The following ADGB variants were observed in gnomAD, a reference collection of about 807,000 sequenced individuals.
ADGB encodes androglobin, also known as calpain-7-like protein.
Under a neutral mutation model 210.5 loss-of-function variants are expected in ADGB, and 172 were observed. The ratio of observed to expected loss-of-function variants is 0.82; its 90% CI spans 0.72 to 0.93. The LOEUF (loss-of-function observed/expected upper bound fraction) is 0.93, where lower values mean the gene tolerates loss of function less well. ADGB is among the 40% of genes least tolerant of loss of function. The pLI, the probability that ADGB is intolerant of heterozygous loss-of-function variation, is 0.00. For missense variants in ADGB, 2,025 were observed against 1,964.8 expected (o/e 1.03, Z -0.58); for synonymous variants, 658 against 662.7 (o/e 0.99, Z 0.11).
chr6:146,745,354 T>A (rs1261610273), intron 25 of ADGB, among the ~76,000 whole-genome samples: 1 of 152,200 alleles, frequency 6.6e-6, no homozygotes, highest in African/African-American at 2.4e-5. Flanking sequence ...CTCTTCCCCA[T>A]CATAAAGTAA....
At chr6:146,653,051 C>A (rs1254114822) in intron 3 of ADGB, among the ~76,000 whole-genome samples, 1 of 152,144 alleles carries the variant, frequency 6.6e-6, no homozygotes, top group African/African-American at 2.4e-5. Flanking sequence ...AGCTCTGCCT[C>A]CTGTCAGAGC....
chr6:146,755,402 T>C (rs188907927), intron 27 of ADGB, among the ~76,000 whole-genome samples: 9 of 152,232 alleles, frequency 5.9e-5, no homozygotes, highest in Non-Finnish European at 1.3e-4. Context: ...GACCATGGGA[T>C]GCTATTCCCC....
chr6:146,764,502 AT>A (rs1777545854), intron 28 of ADGB, among the ~76,000 whole-genome samples: 1 of 152,170 alleles, frequency 6.6e-6, no homozygotes, highest in African/African-American at 2.4e-5. Context: ...TAATGTACAT[AT>A]TTATAAAACA....
chr6:146,746,897 T>C (rs931991987), intron 26 of ADGB, among the ~76,000 whole-genome samples: 6 of 152,124 alleles, frequency 3.9e-5, no homozygotes, highest in Admixed American at 3.3e-4. Context: ...GCATTTCCTC[T>C]TGTCCCATGT....
At chr6:146,637,760 T>G (rs147104135) in intron 2 of ADGB, among the ~76,000 whole-genome samples, 1 of 152,118 alleles carries the variant, frequency 6.6e-6, no homozygotes, top group East Asian at 1.9e-4. Context: ...TTATACTCAG[T>G]GTATATCATT....
chr6:146,623,984 C>T (rs1583563583), intron 1 of ADGB, among the ~76,000 whole-genome samples: 1 of 151,790 alleles, frequency 6.6e-6, no homozygotes, highest in East Asian at 1.9e-4. Context: ...TTTGATCTGT[C>T]TAGATATTTT....
intron 11 of ADGB, among the ~76,000 whole-genome samples, 155 bp downstream of exon 11, chr6:146,691,445 A>ATATAAAT (rs1419237911): frequency 6.1e-5 from 1 of 16,440 alleles, no homozygotes; most frequent in African/African-American, 2.9e-4. Context: ...TATATATAAA[A>ATATAAAT]ATATATATAT....
chr6:146,638,048 T>C (rs894906933), intron 2 of ADGB, among the ~76,000 whole-genome samples: 2 of 151,992 alleles, frequency 1.3e-5, no homozygotes, highest in Non-Finnish European at 2.9e-5. Context: ...CATGATCAAG[T>C]AGGCTTCACT....
intron 35 of ADGB, chr6:146,807,805 T>C (rs1226117797): frequency 1.4e-5 from 5 of 353,102 alleles, no homozygotes; most frequent in Non-Finnish European, 2.5e-5. Flanking sequence ...CTTCCAAATA[T>C]TTAAAATGTA....
intron 35 of ADGB, among the ~76,000 whole-genome samples, chr6:146,804,770 A>C (rs1042181798): frequency 1.1e-4 from 17 of 152,178 alleles, no homozygotes; most frequent in Admixed American, 3.3e-4. Flanking sequence ...AATTGTACCA[A>C]TCACGACAAA....
At chr6:146,653,992 A>G in intron 3 of ADGB, 143 bp from the exon 4 acceptor site, 1 of 411,226 alleles carries the variant, frequency 2.4e-6, no homozygotes, top group South Asian at 3.8e-5. Context: ...TTTATATCCT[A>G]CTGCTCAAGG....
In ADGB at chr6:146,631,389, A is replaced by G. The variant is rs745479588; in HGVS notation, c.75-3986A>G. ...GGACTCAGACAGACATTGAGCAGGA[A>G]GAGAGAGAGAAGTATCTCACAGAAT... On this transcript the variant is annotated intron_variant, in intron 1 of 35. Transcript: ENST00000397944. Among the ~76,000 whole-genome samples the G allele has an allele frequency of 2.6e-5, 4 of 152,132 alleles. 1 individual carries two copies. The highest frequency in any genetic ancestry group is 5.9e-5 in the Non-Finnish European group (4 of 68,000).
At chr6:146,754,919 G>C (rs1029655902) in intron 27 of ADGB, among the ~76,000 whole-genome samples, 5 of 152,088 alleles carry the variant, frequency 3.3e-5, no homozygotes, top group African/African-American at 1.2e-4. Flanking sequence ...AAAATGTCAA[G>C]GTTGTCATTT....
At chr6:146,737,143 G>A (rs61111010) in intron 23 of ADGB, among the ~76,000 whole-genome samples, 8,930 of 150,652 alleles carry the variant, frequency 0.059, 884 homozygotes, top group African/African-American at 0.2. Flanking sequence ...TTCAGAGGTG[G>A]CAGAAAAAAA....
At chr6:146,622,549 C>T (rs1275633273) in intron 1 of ADGB, among the ~76,000 whole-genome samples, 4 of 152,098 alleles carry the variant, frequency 2.6e-5, no homozygotes, top group African/African-American at 7.2e-5. Flanking sequence ...ACATGCCACA[C>T]AACTCACATG....
At chr6:146,746,518 A>G (rs1777240662) in intron 26 of ADGB, among the ~76,000 whole-genome samples, 1 of 152,038 alleles carries the variant, frequency 6.6e-6, no homozygotes, top group South Asian at 2.1e-4. Flanking sequence ...TCTTTCATTA[A>G]TCAGTCTTCA....
At chr6:146,642,687 C>T (rs1775536015) in intron 2 of ADGB, among the ~76,000 whole-genome samples, 1 of 151,946 alleles carries the variant, frequency 6.6e-6, no homozygotes, top group African/African-American at 2.4e-5. Flanking sequence ...CACATTCTCA[C>T]TTCTAAGTGG....
rs1776890700 is a variant in ADGB, at chr6:146,726,079, T to G, written c.2238-4T>G. 1.3e-6 allele frequency: 2 copies of G among 1,514,598 alleles called. No homozygotes were observed. Among genetic ancestry groups the G allele is most frequent in the Non-Finnish European group, 1.8e-6 (2 of 1,116,970 alleles). 93.8% of individuals were successfully genotyped at this position (1,514,598 alleles called of 1,614,324 possible). A position where few individuals can be genotyped will look rare whatever the true frequency, so the allele number is the denominator to read the frequency against. ...GGTTATCATCCGGCATCCCTTCTCTTTAGGAGACACATGCTACTCTTCAAC... is the reference window on the plus strand; with the variant it reads ...GGTTATCATCCGGCATCCCTTCTCTGTAGGAGACACATGCTACTCTTCAAC... On this transcript the variant is annotated splice_polypyrimidine_tract_variant and splice_region_variant and intron_variant, in intron 18 of 35. Coordinates refer to ENST00000397944, the MANE Select transcript of ADGB (RefSeq NM_024694.4).
At position 146,701,066 on chromosome 6, in the gene ADGB, C is replaced by A. The variant is rs1439468695; in HGVS notation, c.1703C>A (p.Ser568Tyr). ...TDLSQITKAT[S>Y]QGNTASQVIL... ...TTGAGTCAAATAACAAAAGCTACAT[C>A]TCAGGTGACTATGTTACTCTTACTG... Residue 568 changes from serine to tyrosine, a missense_variant, in exon 13 of 36, where the codon TCT (serine) becomes TAT (tyrosine). Ser to Tyr is a moderately radical substitution (Grantham distance 144). Transcript: ENST00000397944. 2 of 1,549,902 alleles carry A rather than the reference C, an allele frequency of 1.3e-6. No individual in the cohort carries two copies. The highest frequency in any genetic ancestry group is 1.7e-6 in the Non-Finnish European group (2 of 1,146,206).
Sources: gnomAD v4.1 joint callset for allele counts (sites outside exome capture counted in the v4.1 genomes callset) on GRCh38, gnomAD v4.1.1 for gene constraint, MANE v1.5 for transcripts, NCBI Gene and HGNC (gene_info 2026-07-23, HGNC 2026-07-21) for gene names.